RASAL2: variants seen among roughly 807,000 people sequenced by gnomAD.
The protein encoded by RASAL2 is ras GTPase-activating protein nGAP.
RASAL2 carries 58 observed loss-of-function variants against 128.9 expected under a neutral mutation model. That is an observed-to-expected ratio of 0.45 (90% CI 0.36 to 0.56). The LOEUF (loss-of-function observed/expected upper bound fraction) is 0.56. Ranked by LOEUF, RASAL2 falls within the 20% of genes least tolerant of loss-of-function variation. The pLI is 0.00. For missense variants in RASAL2, 1,360 were observed against 1,601.6 expected (o/e 0.85, Z 2.57); for synonymous variants, 561 against 580.8 (o/e 0.97, Z 0.49).
At position 178,368,446 on chromosome 1, in the gene RASAL2, A is replaced by G. The variant is rs554604700; in HGVS notation, c.458-21654A>G. Among the ~76,000 whole-genome samples the G allele has an allele frequency of 2.0e-5, 3 of 152,292 alleles. No homozygotes were observed. In the Middle Eastern group the frequency reaches 0.01, roughly 518 times the overall value. On this transcript the variant is annotated intron_variant, in intron 3 of 17. Transcript: ENST00000367649. ...ACAGACATGCACATACACACAGGAA[A>G]TGCATATGCCCTCAAATAGGAACTC...
intron 14 of RASAL2, among the ~76,000 whole-genome samples, chr1:178,463,245 C>A (rs545185434): frequency 6.6e-6 from 1 of 152,038 alleles, no homozygotes; most frequent in Non-Finnish European, 1.5e-5. Context: ...TTTGTACTCT[C>A]TCTTTAGCTT....
chr1:178,277,150 A>AT (rs1406888854), intron 1 of RASAL2, among the ~76,000 whole-genome samples: 2 of 149,896 alleles, frequency 1.3e-5, no homozygotes, highest in Non-Finnish European at 3.0e-5. Flanking sequence ...TCCCTCTCAA[A>AT]AAAAAAAAAA....
chr1:178,120,119 G>T (rs535977494), intron 1 of RASAL2, among the ~76,000 whole-genome samples: 1 of 152,130 alleles, frequency 6.6e-6, no homozygotes, highest in Non-Finnish European at 1.5e-5. Flanking sequence ...GTGTTTTAAC[G>T]CAGGGCGCTT....
At chr1:178,269,050 T>A (rs913913948) in intron 1 of RASAL2, among the ~76,000 whole-genome samples, 1 of 152,216 alleles carries the variant, frequency 6.6e-6, no homozygotes, top group African/African-American at 2.4e-5. Flanking sequence ...GTGTGCTGTA[T>A]TTGGACATAG....
At chr1:178,232,194 A>G (rs2102025226) in intron 1 of RASAL2, among the ~76,000 whole-genome samples, 1 of 151,866 alleles carries the variant, frequency 6.6e-6, no homozygotes, top group East Asian at 1.9e-4. Context: ...TCCATTTGAA[A>G]CCCCTATTTT....
At chr1:178,179,620 CTT>C (rs1662017688) in intron 1 of RASAL2, among the ~76,000 whole-genome samples, 1 of 152,128 alleles carries the variant, frequency 6.6e-6, no homozygotes, top group Non-Finnish European at 1.5e-5. Flanking sequence ...AAAAACAAGT[CTT>C]ATAAAGTGAT....
At chr1:178,190,558 A>G (rs1434752545) in intron 1 of RASAL2, among the ~76,000 whole-genome samples, 1 of 152,176 alleles carries the variant, frequency 6.6e-6, no homozygotes, top group Non-Finnish European at 1.5e-5. Context: ...TGCTACTGAT[A>G]AGATTGACAG....
At chr1:178,225,429 G>A (rs1296160033) in intron 1 of RASAL2, among the ~76,000 whole-genome samples, 4 of 151,852 alleles carry the variant, frequency 2.6e-5, no homozygotes, top group Non-Finnish European at 4.4e-5. Flanking sequence ...TTAAATAAAA[G>A]TAGGATCATG....
intron 5 of RASAL2, among the ~76,000 whole-genome samples, chr1:178,438,931 G>GTGTGTGTGTGT: frequency 7.3e-6 from 1 of 137,672 alleles, no homozygotes; most frequent in South Asian, 2.3e-4. Context: ...GTGTGTGTGT[G>GTGTGTGTGTGT]TTTTGCCAAA....
intron 1 of RASAL2, among the ~76,000 whole-genome samples, chr1:178,185,414 G>GT (rs1312739397): frequency 6.6e-6 from 1 of 151,938 alleles, no homozygotes; most frequent in African/African-American, 2.4e-5. Context: ...TAGAGAGAAA[G>GT]TGGCCAGTCT....
At chr1:178,108,494 A>G (rs1388582958) in intron 1 of RASAL2, among the ~76,000 whole-genome samples, 1 of 152,214 alleles carries the variant, frequency 6.6e-6, no homozygotes, top group African/African-American at 2.4e-5. Context: ...TAACTACACT[A>G]TCAGGTAAAT....
intron 1 of RASAL2, among the ~76,000 whole-genome samples, chr1:178,131,097 T>C (rs977997236): frequency 1.2e-4 from 15 of 128,158 alleles, no homozygotes; most frequent in African/African-American, 1.6e-4. Context: ...AAAAAAAACA[T>C]GTGTTATTGT....
intron 1 of RASAL2, among the ~76,000 whole-genome samples, chr1:178,096,488 AAG>A (rs1025729343): frequency 4.0e-5 from 5 of 123,920 alleles, no homozygotes; most frequent in African/African-American, 1.4e-4. Flanking sequence ...GTGTGTGTGT[AAG>A]AGAGAGAGAG....
chr1:178,260,080 C>T (rs1252562174), intron 1 of RASAL2, among the ~76,000 whole-genome samples: 1 of 151,480 alleles, frequency 6.6e-6, no homozygotes, highest in Non-Finnish European at 1.5e-5. Flanking sequence ...AGGCCAGGCG[C>T]GTTGGCTCAC....
intron 3 of RASAL2, among the ~76,000 whole-genome samples, chr1:178,387,831 T>A (rs1000224827): frequency 3.9e-5 from 6 of 152,222 alleles, no homozygotes; most frequent in African/African-American, 1.2e-4. Context: ...TTATTGGAGT[T>A]TGAAATGTGG....
chr1:178,344,797 A>T (rs1670063445), intron 3 of RASAL2, among the ~76,000 whole-genome samples: 1 of 152,164 alleles, frequency 6.6e-6, no homozygotes, highest in Non-Finnish European at 1.5e-5. Context: ...CAGAAGCAAA[A>T]ATTTTTGTCC....
intron 4 of RASAL2, among the ~76,000 whole-genome samples, chr1:178,419,330 G>T (rs948230853): frequency 2.0e-5 from 3 of 152,070 alleles, no homozygotes; most frequent in Non-Finnish European, 2.9e-5. Flanking sequence ...CTGGAGTGCT[G>T]TGGTACAGTC....
chr1:178,319,726 G>A (rs1668659258), intron 3 of RASAL2, among the ~76,000 whole-genome samples: 1 of 151,546 alleles, frequency 6.6e-6, no homozygotes, highest in African/African-American at 2.4e-5. Context: ...CAACTTCTTT[G>A]CCTTTGGATT....
chr1:178,474,725 T>C lies in RASAL2; in HGVS notation c.*1486T>C, dbSNP rs1204000694. ...TAATATATATTCACACATATGTACA[T>C]ATAACTGCACAAATAGGAAAAGTTC... On this transcript the variant is annotated 3_prime_UTR_variant, in exon 18 of 18. Coordinates refer to ENST00000367649, the MANE Select transcript of RASAL2 (RefSeq NM_170692.4). 2 of 151,878 alleles carry C rather than the reference T, an allele frequency of 1.3e-5. No individual in the cohort carries two copies. The highest frequency in any genetic ancestry group is 2.9e-5 in the Non-Finnish European group (2 of 67,978). 9.4% of individuals were successfully genotyped at this position (151,878 alleles called of 1,614,324 possible).
Sources: gnomAD v4.1 joint callset for allele counts (sites outside exome capture counted in the v4.1 genomes callset) on GRCh38, gnomAD v4.1.1 for gene constraint, MANE v1.5 for transcripts, NCBI Gene and HGNC (gene_info 2026-07-23, HGNC 2026-07-21) for gene names.